The following ODAD2 variants were observed in gnomAD, a reference collection of about 807,000 sequenced individuals.
ODAD2 encodes outer dynein arm-docking complex subunit 2.
ODAD2 carries 89 observed loss-of-function variants against 106.8 expected under a neutral mutation model. That is an observed-to-expected ratio of 0.83 (90% confidence interval 0.70 to 0.99). The LOEUF (loss-of-function observed/expected upper bound fraction) is 0.99. ODAD2 is among the 50% of genes least tolerant of loss of function. The pLI is 0.00. For missense variants in ODAD2, 1,168 were observed against 1,238.5 expected (o/e 0.94, Z 0.85); for synonymous variants, 404 against 436.2 (o/e 0.93, Z 0.92).
At chr10:27,838,879 A>C (rs1564413899) in intron 19 of ODAD2, among the ~76,000 whole-genome samples, 1 of 152,358 alleles carries the variant, frequency 6.6e-6, no homozygotes, top group East Asian at 1.9e-4. Context: ...GCTGCGGGAC[A>C]TAGCTACTGT....
chr10:27,940,546 A>G lies in ODAD2; in HGVS notation c.1986+17T>C, dbSNP rs770025038. ...GTCAAGTTGAGAAGGCAAGGGAAGC[A>G]GAACTGGCATGAGTACCTCTGATGC... On this transcript the variant is annotated intron_variant, in intron 13 of 19. Coordinates refer to ENST00000305242, the MANE Select transcript of ODAD2 (RefSeq NM_018076.5). 29 of 1,609,748 alleles carry G rather than the reference A, an allele frequency of 1.8e-5. No individual in the cohort carries two copies. Among genetic ancestry groups the G allele is most frequent in the Non-Finnish European group, 2.5e-5 (29 of 1,176,212 alleles).
At chr10:27,901,111 T>G (rs548951068) in intron 17 of ODAD2, among the ~76,000 whole-genome samples, 1 of 152,160 alleles carries the variant, frequency 6.6e-6, no homozygotes, top group Admixed American at 6.5e-5. Context: ...TAACAGTGGA[T>G]CTCTCTGCAA....
At chr10:27,890,879 A>G (rs1842515656) in intron 17 of ODAD2, among the ~76,000 whole-genome samples, 1 of 152,100 alleles carries the variant, frequency 6.6e-6, no homozygotes, top group Admixed American at 6.6e-5. Context: ...ACTGAAAATG[A>G]CAACTGACCC....
At chr10:27,890,775 A>G (rs1021395307) in intron 17 of ODAD2, among the ~76,000 whole-genome samples, 4 of 150,890 alleles carry the variant, frequency 2.7e-5, no homozygotes, top group African/African-American at 9.8e-5. Context: ...TATATTTAAA[A>G]AAAAAAAAAA....
intron 3 of ODAD2, 129 bp from the exon 4 acceptor site, chr10:27,985,340 G>A (rs555827663): frequency 8.5e-5 from 63 of 740,978 alleles, no homozygotes; most frequent in South Asian, 2.2e-4. Flanking sequence ...TTTTCTAAAC[G>A]ACCCAATTAG....
At chr10:27,950,571 T>C (rs751222731) in intron 10 of ODAD2, among the ~76,000 whole-genome samples, 2 of 152,200 alleles carry the variant, frequency 1.3e-5, no homozygotes, top group Non-Finnish European at 2.9e-5. Context: ...GGATGCTACA[T>C]ACATTCTTCT....
chr10:27,998,710 G>A (rs953323001), intron 1 of ODAD2, among the ~76,000 whole-genome samples: 10 of 152,240 alleles, frequency 6.6e-5, no homozygotes, highest in African/African-American at 1.9e-4. Flanking sequence ...AGCGGCAGCG[G>A]CGGGGCCAGA....
intron 1 of ODAD2, among the ~76,000 whole-genome samples, chr10:27,998,232 AC>A (rs1850671831): frequency 1.3e-5 from 2 of 152,218 alleles, no homozygotes. Context: ...TGCAGAAGTT[AC>A]TCAGTAAGAC....
chr10:27,907,842 AC>A, intron 16 of ODAD2, 65 bp from the exon 17 acceptor site: 1 of 1,065,940 alleles, frequency 9.4e-7, no homozygotes, highest in Non-Finnish European at 1.4e-6. Flanking sequence ...CATTTTAATG[AC>A]CCACTTATTT....
intron 16 of ODAD2, 136 bp from the exon 17 acceptor site, chr10:27,907,913 A>T: frequency 1.7e-6 from 1 of 594,462 alleles, no homozygotes; most frequent in Non-Finnish European, 3.0e-6. Flanking sequence ...GCAAAACTTC[A>T]TCAACAGTAG....
chr10:27,840,785 C>G (rs978728392), intron 19 of ODAD2, among the ~76,000 whole-genome samples: 1 of 152,186 alleles, frequency 6.6e-6, no homozygotes, highest in Non-Finnish European at 1.5e-5. Flanking sequence ...CTTCTTAGGG[C>G]TCTGCTGCTT....
intron 17 of ODAD2, among the ~76,000 whole-genome samples, chr10:27,888,923 T>A (rs1050874393): frequency 6.6e-6 from 1 of 152,158 alleles, no homozygotes; most frequent in Non-Finnish European, 1.5e-5. Context: ...CAAAATGGAT[T>A]AAAGACCTAA....
intron 2 of ODAD2, 144 bp from the exon 3 acceptor site, chr10:27,987,687 T>C (rs1343346078): frequency 3.7e-6 from 2 of 534,004 alleles, no homozygotes; most frequent in African/African-American, 1.9e-5. Flanking sequence ...AGCTCATCTG[T>C]TTTCCCACTT....
chr10:27,902,519 T>C (rs1843285699), intron 17 of ODAD2, among the ~76,000 whole-genome samples: 1 of 152,048 alleles, frequency 6.6e-6, no homozygotes. Context: ...GCTGGTTTTT[T>C]GAAAACATTA....
intron 19 of ODAD2, among the ~76,000 whole-genome samples, chr10:27,821,641 G>C (rs987896383): frequency 6.6e-6 from 1 of 152,148 alleles, no homozygotes; most frequent in Non-Finnish European, 1.5e-5. Flanking sequence ...ACTAACACAC[G>C]GAGCAAGGTG....
At chr10:27,836,163 A>G (rs1837868777) in intron 19 of ODAD2, 1 of 152,238 alleles carries the variant, frequency 6.6e-6, no homozygotes, top group East Asian at 1.9e-4. Flanking sequence ...GGTCAACTGT[A>G]TATATATTCA....
rs1241254098 is a variant in ODAD2, at chr10:27,977,913, C to CGAGA, written c.936+3552_936+3553insTCTC. On this transcript the variant is annotated intron_variant, in intron 7 of 19. Coordinates refer to ENST00000305242, the MANE Select transcript of ODAD2 (RefSeq NM_018076.5). The stretch of plus-strand genomic sequence containing the variant: ...GAGTATGTGGAAGAACTGGGACTCT[C>CGAGA]ATACATTGCCTACATCAATGTAAAA... Among the ~76,000 whole-genome samples, 7 of 152,316 alleles carry CGAGA rather than the reference C, an allele frequency of 4.6e-5. No individual in the cohort carries two copies. The South Asian group carries it at 1.5e-3, about 32-fold the overall frequency.
intron 17 of ODAD2, among the ~76,000 whole-genome samples, chr10:27,872,489 G>T (rs1412240298): frequency 1.3e-5 from 2 of 151,780 alleles, no homozygotes; most frequent in Non-Finnish European, 2.9e-5. Context: ...ATTGGCTGTG[G>T]GTTTGTCATA....
In ODAD2 at chr10:27,820,084, C is replaced by G. The variant is rs113813980; in HGVS notation, c.3022-7459G>C. On this transcript the variant is annotated intron_variant, in intron 19 of 19. Transcript: ENST00000305242. ...TGGTGTTATTTCCTGGAGGCCTGGC[C>G]TGGTTAGTTTGGAAGGAAGAGGGAA... Among the ~76,000 whole-genome samples the G allele has an allele frequency of 7.6e-4, 115 of 152,198 alleles. 1 individual carries two copies. Among genetic ancestry groups the G allele is most frequent in the African/African-American group, 2.7e-3 (114 of 41,538 alleles).
Sources: allele counts gnomAD v4.1 joint callset (sites outside exome capture counted in the v4.1 genomes callset), GRCh38; gene constraint gnomAD v4.1.1; transcripts MANE v1.5; gene names NCBI Gene and HGNC (gene_info 2026-07-23, HGNC 2026-07-21).